The following APBB1IP variants were observed in gnomAD, a reference collection of about 807,000 sequenced individuals.
The protein encoded by APBB1IP is amyloid beta precursor protein binding family B member 1 interacting protein.
APBB1IP carries 27 observed loss-of-function variants against 64.9 expected under a neutral mutation model. The ratio of observed to expected loss-of-function variants is 0.42; its 90% CI spans 0.31 to 0.57. The LOEUF is 0.57. APBB1IP is among the 20% of genes least tolerant of loss of function. The pLI is 0.20. For synonymous variants in APBB1IP, 392 were observed against 331.0 expected, an observed-to-expected ratio of 1.18 and a Z score of -2.00; for missense variants, 812 against 845.5, an observed-to-expected ratio of 0.96 and a Z score of 0.49.
chr10:26,440,356 TTA>T (rs1175073984), intron 2 of APBB1IP, among the ~76,000 whole-genome samples: 9 of 152,214 alleles, frequency 5.9e-5, no homozygotes, highest in Non-Finnish European at 5.9e-5. Flanking sequence ...ACTGGCAACA[TTA>T]TATCAACATT....
chr10:26,528,010 C>T (rs1233752455), intron 8 of APBB1IP, among the ~76,000 whole-genome samples: 3 of 151,984 alleles, frequency 2.0e-5, no homozygotes, highest in African/African-American at 4.8e-5. Flanking sequence ...CTCTTATTGT[C>T]CCTGGATAGC....
chr10:26,525,728 T>C (rs1285359594), intron 8 of APBB1IP, among the ~76,000 whole-genome samples: 1 of 152,170 alleles, frequency 6.6e-6, no homozygotes, highest in Non-Finnish European at 1.5e-5. Flanking sequence ...AGCACAGAAA[T>C]TTATTTAATG....
intron 2 of APBB1IP, among the ~76,000 whole-genome samples, chr10:26,459,302 G>C (rs1004044776): frequency 6.6e-6 from 1 of 151,880 alleles, no homozygotes. Context: ...GTATTCCATG[G>C]TGTATATGTG....
chr10:26,454,263 A>G (rs1835497081), intron 2 of APBB1IP, among the ~76,000 whole-genome samples: 1 of 152,180 alleles, frequency 6.6e-6, no homozygotes, highest in Non-Finnish European at 1.5e-5. Flanking sequence ...CAACATGACA[A>G]AAGCCCATGT....
intron 11 of APBB1IP, among the ~76,000 whole-genome samples, chr10:26,557,103 C>G (rs1481996343): frequency 1.3e-5 from 2 of 152,156 alleles, no homozygotes; most frequent in Non-Finnish European, 2.9e-5. Context: ...GGCCATATTA[C>G]CTGAGTTGAT....
chr10:26,531,929 G>C (rs930346827), intron 8 of APBB1IP, among the ~76,000 whole-genome samples: 1 of 152,122 alleles, frequency 6.6e-6, no homozygotes, highest in Non-Finnish European at 1.5e-5. Flanking sequence ...TTGGGTAACA[G>C]AGCAAGACCT....
At chr10:26,561,328 A>G (rs1836969723) in intron 13 of APBB1IP, among the ~76,000 whole-genome samples, 1 of 149,146 alleles carries the variant, frequency 6.7e-6, no homozygotes, top group Admixed American at 6.7e-5. Flanking sequence ...TCAGCCTCCC[A>G]AAGTGCTGGG....
chr10:26,530,688 CAA>C (rs35100053), intron 8 of APBB1IP, among the ~76,000 whole-genome samples: 68 of 145,310 alleles, frequency 4.7e-4, no homozygotes, highest in African/African-American at 6.3e-4. Context: ...GACTCTGTCT[CAA>C]AAAAAAAAAA....
chr10:26,460,883 G>A (rs1278374763), intron 2 of APBB1IP, among the ~76,000 whole-genome samples: 1 of 152,134 alleles, frequency 6.6e-6, no homozygotes, highest in Non-Finnish European at 1.5e-5. Context: ...TCACTCCTCA[G>A]TCTAAGATGG....
chr10:26,553,213 G>C (rs1217503186), intron 11 of APBB1IP, among the ~76,000 whole-genome samples: 1 of 152,060 alleles, frequency 6.6e-6, no homozygotes, highest in Admixed American at 6.5e-5. Flanking sequence ...GTAGAGACAG[G>C]GTTTCACCGT....
At chr10:26,473,950 C>T (rs932138611) in intron 2 of APBB1IP, among the ~76,000 whole-genome samples, 4 of 146,320 alleles carry the variant, frequency 2.7e-5, no homozygotes, top group South Asian at 2.1e-4. Flanking sequence ...TACAGTGAGC[C>T]GAGATCGCAC....
chr10:26,540,346 A>G (rs1430615873), intron 10 of APBB1IP, among the ~76,000 whole-genome samples: 2 of 152,174 alleles, frequency 1.3e-5, no homozygotes, highest in African/African-American at 4.8e-5. Flanking sequence ...AGGCCAAGGA[A>G]GGCGGATCGC....
At chr10:26,477,533 C>A (rs1835789422) in intron 2 of APBB1IP, among the ~76,000 whole-genome samples, 1 of 152,166 alleles carries the variant, frequency 6.6e-6, no homozygotes, top group Non-Finnish European at 1.5e-5. Flanking sequence ...TTGCCACCCA[C>A]CATGGTGGTT....
intron 13 of APBB1IP, among the ~76,000 whole-genome samples, chr10:26,561,379 T>C (rs916120959): frequency 5.4e-5 from 8 of 147,784 alleles, no homozygotes; most frequent in African/African-American, 2.0e-4. Context: ...GTTTTCTTTT[T>C]CTTCTTTGCT....
At chr10:26,486,311 C>T (rs1588581566) in intron 2 of APBB1IP, among the ~76,000 whole-genome samples, 1 of 152,050 alleles carries the variant, frequency 6.6e-6, no homozygotes, top group Admixed American at 6.6e-5. Flanking sequence ...GCTGGGTGAG[C>T]TGGTGAGGTG....
At chr10:26,465,896 G>A (rs947719) in intron 2 of APBB1IP, among the ~76,000 whole-genome samples, 56,057 of 152,086 alleles carry the variant, frequency 0.37, 10,390 homozygotes, top group South Asian at 0.5. Context: ...AGGATAATTT[G>A]TTACACTTAT....
At chr10:26,538,641 C>CAA (rs765081330) in intron 10 of APBB1IP, among the ~76,000 whole-genome samples, 86 of 77,842 alleles carry the variant, frequency 1.1e-3, no homozygotes, top group Non-Finnish European at 1.7e-3. Flanking sequence ...GATTCCATCT[C>CAA]AAAAAAAAAA....
intron 2 of APBB1IP, among the ~76,000 whole-genome samples, chr10:26,457,274 T>C (rs1163244651): frequency 6.6e-6 from 1 of 152,208 alleles, no homozygotes; most frequent in Non-Finnish European, 1.5e-5. Flanking sequence ...ACGCTTCTTT[T>C]TCAGTTCCCC....
Position 26,500,994 on chromosome 10 carries a change from T to C in APBB1IP, c.336T>C (p.Tyr112=). Residue 112 remains tyrosine (Y), a synonymous_variant, in exon 5 of 15, where the codon TAT becomes TAC. Coordinates refer to ENST00000376236, the MANE Select transcript of APBB1IP (RefSeq NM_019043.4). ...TCAGTGGTGCAGCCTCTCTTGGTTATGGAACAAATGTTGCTGCCACTGGTA... is the reference window on the plus strand; with the variant it reads ...TCAGTGGTGCAGCCTCTCTTGGTTACGGAACAAATGTTGCTGCCACTGGTA... The part of the protein sequence containing the change: ...SIFSGAASLG[Y]GTNVAATGIS... The C allele has an allele frequency of 1.2e-6, 2 of 1,614,216 alleles. No homozygotes were observed. The highest frequency in any genetic ancestry group is 1.7e-6 in the Non-Finnish European group (2 of 1,180,028).
Sources: allele counts gnomAD v4.1 joint callset (sites outside exome capture counted in the v4.1 genomes callset), GRCh38; gene constraint gnomAD v4.1.1; transcripts MANE v1.5; gene names NCBI Gene and HGNC (gene_info 2026-07-23, HGNC 2026-07-21).